The following MAST4 variants were observed in gnomAD, a reference collection of about 807,000 sequenced individuals.
MAST4 encodes microtubule-associated serine/threonine-protein kinase 4.
A neutral mutation model predicts 162.7 loss-of-function variants in MAST4; 89 were observed. The observed-to-expected ratio is 0.55, with a 90% CI of 0.46 to 0.65. The LOEUF is 0.65. Ranked by LOEUF, MAST4 falls within the 30% of genes least tolerant of loss-of-function variation. The pLI, the probability that MAST4 is intolerant of heterozygous loss-of-function variation, is 0.00. For missense variants in MAST4, 3,153 were observed against 3,374.0 expected (o/e 0.93, Z 1.62); for synonymous variants, 1,479 against 1,361.1 (o/e 1.09, Z -1.91).
intron 3 of MAST4, among the ~76,000 whole-genome samples, chr5:66,834,974 T>C (rs554190306): frequency 6.6e-6 from 1 of 152,130 alleles, no homozygotes; most frequent in Non-Finnish European, 1.5e-5. Flanking sequence ...GGAGACCTCT[T>C]ACCATTTATC....
intron 4 of MAST4, among the ~76,000 whole-genome samples, chr5:67,012,768 C>G (rs1752844348): frequency 6.6e-6 from 1 of 152,126 alleles, no homozygotes; most frequent in African/African-American, 2.4e-5. Flanking sequence ...CCACTAGGAA[C>G]TTGGTTGTAA....
chr5:67,155,757 G>A (rs1011014385), intron 26 of MAST4, among the ~76,000 whole-genome samples: 6 of 152,022 alleles, frequency 3.9e-5, no homozygotes, highest in African/African-American at 1.4e-4. Context: ...TACTGCAAGG[G>A]CCAAACAAAA....
At chr5:66,755,336 T>G (rs1258626127) in intron 1 of MAST4, among the ~76,000 whole-genome samples, 1 of 152,224 alleles carries the variant, frequency 6.6e-6, no homozygotes, top group Non-Finnish European at 1.5e-5. Flanking sequence ...AGCTTTCTCT[T>G]TCTGCTTATA....
chr5:67,118,803 A>G (rs1476837824), intron 13 of MAST4, 54 bp downstream of exon 13: 6 of 1,053,046 alleles, frequency 5.7e-6, no homozygotes. Context: ...TAGCATCTGG[A>G]GACTTTGGCT....
chr5:66,680,274 G>T (rs1298753296), intron 1 of MAST4, among the ~76,000 whole-genome samples: 1 of 152,190 alleles, frequency 6.6e-6, no homozygotes, highest in Non-Finnish European at 1.5e-5. Flanking sequence ...TTTTTTAGAG[G>T]ATTCACTCGT....
intron 3 of MAST4, among the ~76,000 whole-genome samples, chr5:66,789,218 C>T (rs1755269555): frequency 7.1e-6 from 1 of 141,078 alleles, no homozygotes; most frequent in African/African-American, 2.5e-5. Context: ...TGTGTACATA[C>T]ACACATGATT....
intron 4 of MAST4, among the ~76,000 whole-genome samples, chr5:66,921,296 C>G (rs1764515887): frequency 6.6e-6 from 1 of 152,056 alleles, no homozygotes; most frequent in African/African-American, 2.4e-5. Context: ...TATTTCAGGC[C>G]TCATGTTCAA....
intron 3 of MAST4, among the ~76,000 whole-genome samples, chr5:66,810,550 A>G (rs1032758804): frequency 6.6e-6 from 1 of 152,166 alleles, no homozygotes; most frequent in African/African-American, 2.4e-5. Flanking sequence ...GAAGGCTGGG[A>G]AATTTATTCT....
chr5:66,795,795 T>C, intron 3 of MAST4, among the ~76,000 whole-genome samples: 1 of 152,178 alleles, frequency 6.6e-6, no homozygotes, highest in Non-Finnish European at 1.5e-5. Flanking sequence ...AACTGCTGAG[T>C]GTGATTACAG....
intron 23 of MAST4, among the ~76,000 whole-genome samples, chr5:67,148,878 CG>C (rs1419803751): frequency 3.9e-5 from 6 of 152,070 alleles, no homozygotes; most frequent in African/African-American, 9.7e-5. Context: ...ACAGCACAGA[CG>C]TAAGTCTACA....
intron 1 of MAST4, among the ~76,000 whole-genome samples, chr5:66,730,839 C>A (rs1259524438): frequency 1.3e-5 from 2 of 151,350 alleles, no homozygotes; most frequent in Admixed American, 1.3e-4. Flanking sequence ...CTTTATGGAT[C>A]CACATATACC....
At chr5:66,784,977 G>A (rs1022841725) in intron 2 of MAST4, among the ~76,000 whole-genome samples, 1 of 152,230 alleles carries the variant, frequency 6.6e-6, no homozygotes, top group African/African-American at 2.4e-5. Context: ...ACTTTGGGAG[G>A]CTTAGGCGGG....
At chr5:66,823,613 G>A (rs1757098376) in intron 3 of MAST4, among the ~76,000 whole-genome samples, 2 of 152,110 alleles carry the variant, frequency 1.3e-5, no homozygotes, top group African/African-American at 4.8e-5. Context: ...GAGTAGCTGG[G>A]ATTACAGGTG....
rs188753991 is a variant in MAST4, at chr5:67,066,318, T to G, written c.763+11826T>G. On this transcript the variant is annotated intron_variant, in intron 5 of 28. Transcript: ENST00000403625. ...ATAAATAAATATAAATCATCTATAT[T>G]CTTATCCATTACTCAGAATTAACTA... 1.3e-4 allele frequency among the ~76,000 whole-genome samples: 20 copies of G among 151,710 alleles called. No homozygotes were observed. The East Asian group carries it at 3.1e-3, about 23-fold the overall frequency.
At chr5:67,063,358 A>C (rs1420158559) in intron 5 of MAST4, among the ~76,000 whole-genome samples, 1 of 152,276 alleles carries the variant, frequency 6.6e-6, no homozygotes, top group East Asian at 1.9e-4. Flanking sequence ...AGTCTTTGTT[A>C]ATTCCTTTAT....
intron 1 of MAST4, among the ~76,000 whole-genome samples, chr5:66,645,683 A>G (rs1379537114): frequency 6.6e-6 from 1 of 152,210 alleles, no homozygotes; most frequent in Non-Finnish European, 1.5e-5. Context: ...TCTTGAAATC[A>G]CACATAGTAT....
At chr5:67,137,035 G>A (rs1360136141) in intron 19 of MAST4, among the ~76,000 whole-genome samples, 1 of 152,142 alleles carries the variant, frequency 6.6e-6, no homozygotes, top group African/African-American at 2.4e-5. Context: ...TCGATATTTG[G>A]AACTCTTTTT....
chr5:67,018,057 C>A (rs1013514898), intron 4 of MAST4, among the ~76,000 whole-genome samples: 5 of 152,056 alleles, frequency 3.3e-5, no homozygotes, highest in African/African-American at 4.8e-5. Context: ...TATCCTTTTT[C>A]TATTCCATCT....
intron 5 of MAST4, among the ~76,000 whole-genome samples, chr5:67,082,095 A>G (rs1345977200): frequency 2.0e-5 from 3 of 152,112 alleles, no homozygotes; most frequent in African/African-American, 7.2e-5. Context: ...GTTATAAGGA[A>G]ATACTATGCA....
Sources: allele counts gnomAD v4.1 joint callset (sites outside exome capture counted in the v4.1 genomes callset), GRCh38; gene constraint gnomAD v4.1.1; transcripts MANE v1.5; gene names NCBI Gene and HGNC (gene_info 2026-07-23, HGNC 2026-07-21).